SP110: variants seen among roughly 807,000 people sequenced by gnomAD.
The protein encoded by SP110 is interferon-induced protein 41, 30kD.
In SP110, 62 loss-of-function variants were observed where a neutral mutation model predicts 92.7. The observed-to-expected ratio is 0.67, with a 90% CI of 0.55 to 0.83. The LOEUF is 0.83. Ranked by LOEUF, SP110 falls within the 40% of genes least tolerant of loss-of-function variation. The probability of loss-of-function intolerance (pLI) is 0.00; values close to 1 mark genes in which losing one functional copy is unlikely to be tolerated. For missense variants in SP110, 793 were observed against 863.9 expected, an observed-to-expected ratio of 0.92 and a Z score of 1.03; for synonymous variants, 273 against 305.3, an observed-to-expected ratio of 0.89 and a Z score of 1.10.
rs1193630308 is a variant in SP110 at position 230,178,237 on chromosome 2, G to A, written c.1367C>T (p.Thr456Ile). Residue 456 changes from threonine to isoleucine, a missense_variant, in exon 13 of 19, where the codon ACT becomes ATT. Coordinates refer to ENST00000258381, the MANE Select transcript of SP110 (RefSeq NM_080424.4). ...GAGCTTAGAACAGTGAAAATCCACAGTGTCACTTTTGGGTTTTCCTTAAAG... is the reference window on the plus strand; with the variant it reads ...GAGCTTAGAACAGTGAAAATCCACAATGTCACTTTTGGGTTTTCCTTAAAG... Reference protein sequence around the residue: ...IHRRGKPKSDTVDFHCSKLPV... With the variant: ...IHRRGKPKSDIVDFHCSKLPV... The A allele has an allele frequency of 2.5e-6, 4 of 1,611,522 alleles. No homozygotes were observed. In the East Asian group the frequency reaches 6.7e-5, roughly 27 times the overall value.
rs146823671 is a variant in SP110, at chr2:230,205,794, T to TATG, written c.898+2194_898+2196dup. Among the ~76,000 whole-genome samples, 741 of 152,334 alleles carry TATG rather than the reference T, an allele frequency of 4.9e-3. 5 individuals carry two copies. The highest frequency in any genetic ancestry group is 0.016 in the African/African-American group (663 of 41,570). On this transcript the variant is annotated intron_variant, in intron 8 of 18. Coordinates refer to ENST00000258381, the MANE Select transcript of SP110 (RefSeq NM_080424.4). ...CAAAGACGCCCAGTGTGCAGCTGGC[T>TATG]ATGTGTTTCTTGAAGACAAACCTGA...
chr2:230,224,802 C>G (rs1016232749), upstream of SP110, among the ~76,000 whole-genome samples: 11 of 152,126 alleles, frequency 7.2e-5, no homozygotes, highest in Non-Finnish European at 1.6e-4. Flanking sequence ...TGTCACTGGC[C>G]CTGGATTCTA....
intron 12 of SP110, among the ~76,000 whole-genome samples, chr2:230,179,100 A>C (rs1173951798): frequency 6.6e-6 from 1 of 152,244 alleles, no homozygotes; most frequent in Non-Finnish European, 1.5e-5. Context: ...CAGTTATTGA[A>C]AGAGCTAAAG....
At chr2:230,207,315 C>T (rs753519203) in intron 8 of SP110, among the ~76,000 whole-genome samples, 6 of 152,108 alleles carry the variant, frequency 3.9e-5, no homozygotes, top group East Asian at 1.9e-4. Flanking sequence ...GGGAGACAGA[C>T]GCTGCAATAT....
rs1479182759 is a variant in SP110 at position 230,211,374 on chromosome 2, G to A, written c.751+96C>T. ...GCTGGGCCAAGATTGCTGAGAGGCAGGAGGAGAGCCCCCTCTCTAGAAGAT... is the reference window on the plus strand; with the variant it reads ...GCTGGGCCAAGATTGCTGAGAGGCAAGAGGAGAGCCCCCTCTCTAGAAGAT... On this transcript the variant is annotated intron_variant, in intron 6 of 18. Transcript: ENST00000258381. This position sits in a 1 kb window ranked among gnomAD's most constrained non-coding sequence, Gnocchi z 4.2. 4 of 833,178 alleles carry A rather than the reference G, an allele frequency of 4.8e-6. No homozygotes were observed. The highest frequency in any genetic ancestry group is 3.3e-5 in the African/African-American group (2 of 60,156). The allele number at this position is 833,178 out of a possible 1,614,324, so 51.6% of individuals were successfully genotyped here.
intron 17 of SP110, among the ~76,000 whole-genome samples, chr2:230,171,168 C>T (rs902899864): frequency 4.6e-5 from 7 of 152,180 alleles, no homozygotes; most frequent in Non-Finnish European, 1.0e-4. Context: ...TCTTGGCTCA[C>T]CGCAACCTCT....
At chr2:230,209,296 G>A (rs1333009849) in intron 7 of SP110, among the ~76,000 whole-genome samples, 1 of 152,082 alleles carries the variant, frequency 6.6e-6, no homozygotes, top group Non-Finnish European at 1.5e-5. Flanking sequence ...TGAAGGATTT[G>A]AGGGGCCAGA....
upstream of SP110, chr2:230,221,803 G>A (rs890808032): frequency 7.6e-7 from 1 of 1,312,420 alleles, no homozygotes; most frequent in Non-Finnish European, 1.1e-6. Flanking sequence ...AGATACACCA[G>A]GCAAATGCAA....
Position 230,170,307 on chromosome 2 carries a change from C to A in SP110, c.2028+314G>T, listed in dbSNP as rs539548984. Among the ~76,000 whole-genome samples the A allele has an allele frequency of 8.6e-5, 13 of 151,972 alleles. No homozygotes were observed. In the South Asian group the frequency reaches 2.5e-3, roughly 29 times the overall value. ...GGAAGAACAATGTAGGCATAAACTG[C>A]CTTTCCTTCCAGTTTGAACAAAGAG... On this transcript the variant is annotated intron_variant, in intron 18 of 18. Transcript: ENST00000258381.
intron 7 of SP110, among the ~76,000 whole-genome samples, chr2:230,208,739 C>T (rs2044151624): frequency 1.3e-5 from 2 of 152,208 alleles, no homozygotes; most frequent in Admixed American, 1.3e-4. Context: ...CCAGTGAGTG[C>T]ACTCTGCCCT....
At chr2:230,172,318 G>T in intron 15 of SP110, 144 bp from the exon 16 acceptor site, 1 of 716,444 alleles carries the variant, frequency 1.4e-6, no homozygotes, top group Non-Finnish European at 2.6e-6. Flanking sequence ...ATCCCCACAT[G>T]GGGTCTCCAG....
At position 230,215,123 on chromosome 2, in the gene SP110, A is replaced by G. The variant is rs777815658; in HGVS notation, c.148-5T>C. 1.9e-6 allele frequency: 3 copies of G among 1,611,156 alleles called. No individual in the cohort carries two copies. Among genetic ancestry groups the G allele is most frequent in the South Asian group, 1.1e-5 (1 of 90,962 alleles). On this transcript the variant is annotated splice_region_variant and splice_polypyrimidine_tract_variant and intron_variant, in intron 2 of 18. Transcript: ENST00000258381. The stretch of plus-strand genomic sequence containing the variant: ...TCTACAGGCTTCCAGAGATTCCTAT[A>G]AAAATGGAGTGAAGGTTTTTATAAA...
At chr2:230,196,046 CT>C (rs1409489929) in intron 10 of SP110, among the ~76,000 whole-genome samples, 1 of 151,940 alleles carries the variant, frequency 6.6e-6, no homozygotes, top group Non-Finnish European at 1.5e-5. Flanking sequence ...TTAAGGATAC[CT>C]AAACATTTAA....
chr2:230,217,033 G>C (rs2045268450), intron 1 of SP110, 105 bp from the exon 2 acceptor site: 1 of 855,166 alleles, frequency 1.2e-6, no homozygotes, highest in Non-Finnish European at 1.9e-6. Flanking sequence ...ATCACCTGAG[G>C]TCAAGAGATT....
At position 230,205,963 on chromosome 2, in the gene SP110, T is replaced by G. The variant is rs558153965; in HGVS notation, c.898+2028A>C. ...AGGCCCATAGAGAATACACATAACATGGTGAGAGGGCATTGACTAATAAGT... is the reference window on the plus strand; with the variant it reads ...AGGCCCATAGAGAATACACATAACAGGGTGAGAGGGCATTGACTAATAAGT... On this transcript the variant is annotated intron_variant, in intron 8 of 18. Transcript: ENST00000258381. 2.6e-5 allele frequency among the ~76,000 whole-genome samples: 4 copies of G among 152,272 alleles called. No homozygotes were observed. In the East Asian group the frequency reaches 7.7e-4, roughly 29 times the overall value.
chr2:230,176,689 G>A, intron 14 of SP110: 1 of 1,613,864 alleles, frequency 6.2e-7, no homozygotes, highest in South Asian at 1.1e-5. Flanking sequence ...ACTCTCTCTT[G>A]AGATTTATTC....
In SP110 at chr2:230,215,086, A is replaced by G; in HGVS notation, c.180T>C (p.Pro60=). ...ESLEACRNLI[P]VSRVVHNILT... ...GAATGTTGTGCACCACTCTGGATACAGGGATCAAATTTCTACAGGCTTCCA... is the reference window on the plus strand; with the variant it reads ...GAATGTTGTGCACCACTCTGGATACGGGGATCAAATTTCTACAGGCTTCCA... The change falls in exon 3 of 19, where the codon CCT becomes CCC. Residue 60 remains proline (P), a synonymous_variant. Coordinates refer to ENST00000258381, the MANE Select transcript of SP110 (RefSeq NM_080424.4). 6.2e-7 allele frequency: 1 copy of G among 1,613,982 alleles called. No homozygotes were observed.
chr2:230,204,711 C>A (rs747790828), intron 8 of SP110, among the ~76,000 whole-genome samples: 1 of 151,880 alleles, frequency 6.6e-6, no homozygotes, highest in African/African-American at 2.4e-5. Context: ...GTATTTGGAA[C>A]CTTCCAAAAG....
intron 17 of SP110, chr2:230,171,403 C>T (rs2106345432): frequency 2.3e-6 from 1 of 431,754 alleles, no homozygotes; most frequent in Admixed American, 3.5e-5. Context: ...GCATCTGTGA[C>T]TCTTAATCTC....
Sources: allele counts gnomAD v4.1 joint callset (sites outside exome capture counted in the v4.1 genomes callset), GRCh38; gene constraint gnomAD v4.1.1; non-coding constraint Gnocchi (gnomAD v3.1); transcripts MANE v1.5; gene names NCBI Gene and HGNC (gene_info 2026-07-23, HGNC 2026-07-21).